The following SPAG16 variants were observed in gnomAD, a reference collection of about 807,000 sequenced individuals.
SPAG16 encodes the protein sperm-associated antigen 16 protein.
A neutral mutation model predicts 80.4 loss-of-function variants in SPAG16; 86 were observed. The observed-to-expected ratio is 1.07, with a 90% CI of 0.90 to 1.28. The LOEUF (loss-of-function observed/expected upper bound fraction) is 1.28. Ranked by LOEUF, SPAG16 falls within the 50% of genes most tolerant of loss-of-function variation. SPAG16 has a pLI of 0.00. For synonymous variants in SPAG16, 294 were observed against 265.9 expected (o/e 1.11, Z -1.03); for missense variants, 870 against 765.3 (o/e 1.14, Z -1.61).
intron 13 of SPAG16, among the ~76,000 whole-genome samples, chr2:214,062,505 C>G (rs2050322391): frequency 6.6e-6 from 1 of 151,250 alleles, no homozygotes; most frequent in Non-Finnish European, 1.5e-5. Context: ...ACATGCATTT[C>G]CCACTACACA....
intron 14 of SPAG16, among the ~76,000 whole-genome samples, chr2:214,128,178 G>A (rs1025969041): frequency 5.3e-5 from 8 of 151,784 alleles, no homozygotes; most frequent in South Asian, 4.1e-4. Context: ...ATAAGCTGAC[G>A]GGCAGGGGGA....
intron 9 of SPAG16, among the ~76,000 whole-genome samples, chr2:213,381,325 T>A (rs1195842869): frequency 6.6e-6 from 1 of 152,182 alleles, no homozygotes; most frequent in Non-Finnish European, 1.5e-5. Context: ...CATGATACAA[T>A]GAACACATAT....
chr2:213,909,826 AC>A (rs901588177), intron 11 of SPAG16, among the ~76,000 whole-genome samples: 5 of 152,140 alleles, frequency 3.3e-5, no homozygotes, highest in Non-Finnish European at 7.4e-5. Flanking sequence ...CTACCCTCAA[AC>A]CCTCATACAG....
chr2:213,995,498 C>A (rs1390726809), intron 12 of SPAG16, among the ~76,000 whole-genome samples: 4 of 152,146 alleles, frequency 2.6e-5, no homozygotes, highest in African/African-American at 4.8e-5. Flanking sequence ...TCTCTGCCTG[C>A]AAATCAGTTA....
intron 10 of SPAG16, among the ~76,000 whole-genome samples, chr2:213,702,631 TTCA>T (rs2065515520): frequency 6.6e-6 from 1 of 152,228 alleles, no homozygotes; most frequent in South Asian, 2.1e-4. Context: ...TCAAAATTAT[TTCA>T]TCATATGATA....
chr2:213,587,095 A>G (rs928651430), intron 10 of SPAG16, among the ~76,000 whole-genome samples: 2 of 152,150 alleles, frequency 1.3e-5, no homozygotes, highest in Non-Finnish European at 2.9e-5. Context: ...GGTGATGATC[A>G]GTAGTCTCCG....
chr2:213,806,006 C>T (rs1011221408), intron 10 of SPAG16, among the ~76,000 whole-genome samples: 6 of 151,480 alleles, frequency 4.0e-5, no homozygotes, highest in African/African-American at 2.4e-5. Context: ...TGCTGGAAAT[C>T]GCTTTATATG....
At chr2:213,360,860 C>G (rs376762765) in intron 7 of SPAG16, among the ~76,000 whole-genome samples, 1 of 152,096 alleles carries the variant, frequency 6.6e-6, no homozygotes, top group African/African-American at 2.4e-5. Context: ...GATGCAGTTA[C>G]GCTTTGAGAA....
intron 7 of SPAG16, among the ~76,000 whole-genome samples, chr2:213,353,672 CCTCGTCCCTCAGGCAT>C (rs1049577957): frequency 4.6e-5 from 7 of 152,136 alleles, no homozygotes; most frequent in African/African-American, 1.2e-4. Context: ...CCTGTTGTTA[CCTCGTCCCTCAGGCAT>C]CTCGTCCCTC....
chr2:213,327,336 C>T (rs774394599), intron 5 of SPAG16, among the ~76,000 whole-genome samples: 19 of 151,952 alleles, frequency 1.3e-4, no homozygotes, highest in Non-Finnish European at 2.8e-4. Context: ...GAAGCACCAC[C>T]ATGAAATGAA....
In SPAG16 at chr2:213,821,442, T is replaced by C. The variant is rs188133489; in HGVS notation, c.1071-41043T>C. On this transcript the variant is annotated intron_variant, in intron 10 of 15. Transcript: ENST00000331683. Reference sequence around the variant, plus strand: ...AATTTTTAATTGTGTGTATAGTAGGTATACATATTTATAGGGTACATGGGA... The same window carrying C: ...AATTTTTAATTGTGTGTATAGTAGGCATACATATTTATAGGGTACATGGGA... Among the ~76,000 whole-genome samples the C allele has an allele frequency of 4.8e-3, 737 of 152,246 alleles. 5 individuals are homozygous for C. The highest frequency in any genetic ancestry group is 0.016 in the African/African-American group (682 of 41,566).
intron 10 of SPAG16, among the ~76,000 whole-genome samples, chr2:213,840,134 G>A (rs1177376993): frequency 2.0e-5 from 3 of 152,114 alleles, no homozygotes; most frequent in African/African-American, 7.2e-5. Flanking sequence ...TTCATACTTG[G>A]AAATTAGGAA....
At chr2:213,613,677 G>C (rs892393232) in intron 10 of SPAG16, among the ~76,000 whole-genome samples, 1 of 151,984 alleles carries the variant, frequency 6.6e-6, no homozygotes, top group Non-Finnish European at 1.5e-5. Context: ...TTTTAGTTAG[G>C]TTTATTGTTC....
chr2:213,589,691 G>A (rs186161392), intron 10 of SPAG16, among the ~76,000 whole-genome samples: 61 of 152,264 alleles, frequency 4.0e-4, no homozygotes, highest in Non-Finnish European at 7.5e-4. Flanking sequence ...GGAGGCTGAA[G>A]CAGGTGGATC....
intron 15 of SPAG16, among the ~76,000 whole-genome samples, chr2:214,274,223 A>C (rs796834510): frequency 1.5e-4 from 23 of 152,310 alleles, no homozygotes; most frequent in African/African-American, 5.5e-4. Context: ...TCTAATATAC[A>C]ATCATGTCAT....
At chr2:213,890,567 AAAG>A (rs1207145346) in intron 11 of SPAG16, among the ~76,000 whole-genome samples, 1 of 140,328 alleles carries the variant, frequency 7.1e-6, no homozygotes, top group African/African-American at 2.5e-5. Context: ...TTTTAATAAT[AAAG>A]AGCAATAATT....
chr2:214,054,752 G>T (rs536146569), intron 13 of SPAG16, among the ~76,000 whole-genome samples: 4 of 152,188 alleles, frequency 2.6e-5, no homozygotes, highest in African/African-American at 9.6e-5. Context: ...TCAGCCCAAA[G>T]ATATATTTTT....
At chr2:214,401,299 A>T (rs1701690954) in intron 15 of SPAG16, among the ~76,000 whole-genome samples, 1 of 151,974 alleles carries the variant, frequency 6.6e-6, no homozygotes, top group Non-Finnish European at 1.5e-5. Flanking sequence ...CACAGGTAAT[A>T]TATGTTCAGA....
At chr2:213,841,780 C>T (rs988653623) in intron 10 of SPAG16, among the ~76,000 whole-genome samples, 7 of 152,048 alleles carry the variant, frequency 4.6e-5, no homozygotes, top group Admixed American at 2.0e-4. Flanking sequence ...ATAATAAATA[C>T]TGTATATCAA....
Sources: allele counts gnomAD v4.1 joint callset (sites outside exome capture counted in the v4.1 genomes callset), GRCh38; gene constraint gnomAD v4.1.1; transcripts MANE v1.5; gene names NCBI Gene and HGNC (gene_info 2026-07-23, HGNC 2026-07-21).